UBE2U: variants seen among roughly 807,000 people sequenced by gnomAD.
UBE2U encodes ubiquitin conjugating enzyme E2 U.
In UBE2U, 39 loss-of-function variants were observed where a neutral mutation model predicts 41.2. That is an observed-to-expected ratio of 0.95 (90% CI 0.73 to 1.24). The LOEUF (loss-of-function observed/expected upper bound fraction) is 1.24, where lower values mean the gene tolerates loss of function less well. Among genes scored for constraint, UBE2U ranks in the 50% most tolerant of loss-of-function variants. The pLI is 0.00. For missense variants in UBE2U, 336 were observed against 363.1 expected, an observed-to-expected ratio of 0.93 and a Z score of 0.61; for synonymous variants, 107 against 117.8, an observed-to-expected ratio of 0.91 and a Z score of 0.60.
intron 7 of UBE2U, among the ~76,000 whole-genome samples, chr1:64,236,116 T>C (rs1246140555): frequency 1.3e-5 from 2 of 152,200 alleles, no homozygotes; most frequent in African/African-American, 4.8e-5. Flanking sequence ...AACCTCTCTG[T>C]GTCCCAGTTT....
At position 64,267,049 on chromosome 1, in the gene UBE2U, TGCAATAAATA is replaced by T; in HGVS notation, c.799_808del (p.Ile267SerfsTer34). 6.5e-7 allele frequency: 1 copy of T among 1,549,044 alleles called. No individual in the cohort carries two copies. Among genetic ancestry groups the T allele is most frequent in the Non-Finnish European group, 8.7e-7 (1 of 1,146,700 alleles). ...ATGAAATTTTTCTTGAGTCACCAACTGCAATAAATAGCATCACAGACATTTATGAAACAGA... is the reference window on the plus strand; with the variant it reads ...ATGAAATTTTTCTTGAGTCACCAACTGCATCACAGACATTTATGAAACAGA... On this transcript the variant is annotated frameshift_variant, in exon 10 of 10. Coordinates refer to ENST00000371077, the MANE Select transcript of UBE2U (RefSeq NM_001366232.2). LOFTEE classifies it low-confidence loss of function (END_TRUNC).
intron 2 of UBE2U, among the ~76,000 whole-genome samples, chr1:64,206,424 G>A (rs2100237844): frequency 6.6e-6 from 1 of 151,900 alleles, no homozygotes; most frequent in South Asian, 2.1e-4. Context: ...TTCGGGCAGA[G>A]TAAACAGCAC....
intron 3 of UBE2U, among the ~76,000 whole-genome samples, chr1:64,207,811 C>T (rs1373114175): frequency 6.6e-6 from 1 of 152,132 alleles, no homozygotes; most frequent in Non-Finnish European, 1.5e-5. Context: ...CATTAAACTG[C>T]AAAACCTGTT....
chr1:64,256,562 C>T (rs1285460856), intron 8 of UBE2U, among the ~76,000 whole-genome samples: 2 of 152,082 alleles, frequency 1.3e-5, no homozygotes, highest in African/African-American at 4.8e-5. Flanking sequence ...AACTAGCTAG[C>T]CATATGCAGA....
chr1:64,259,917 C>T (rs1486949387), intron 8 of UBE2U, among the ~76,000 whole-genome samples: 1 of 151,826 alleles, frequency 6.6e-6, no homozygotes, highest in East Asian at 1.9e-4. Flanking sequence ...CAGCATATGA[C>T]CTTATTTCAA....
chr1:64,244,019 A>T (rs919293481), intron 8 of UBE2U: 4 of 714,508 alleles, frequency 5.6e-6, no homozygotes, highest in African/African-American at 1.8e-5. Flanking sequence ...GATTAAATAA[A>T]TTAATATATG....
intron 9 of UBE2U, among the ~76,000 whole-genome samples, chr1:64,264,282 C>T (rs778664176): frequency 3.9e-5 from 6 of 152,120 alleles, no homozygotes; most frequent in Non-Finnish European, 7.4e-5. Context: ...CCAAGAAAGG[C>T]ATGGAAAATA....
intron 6 of UBE2U, among the ~76,000 whole-genome samples, chr1:64,223,389 T>C (rs1447368241): frequency 6.6e-6 from 1 of 152,076 alleles, no homozygotes. Context: ...CACCAGAGAA[T>C]GTAGTTGGAA....
At chr1:64,222,855 G>C (rs560383736) in intron 6 of UBE2U, among the ~76,000 whole-genome samples, 119 of 152,198 alleles carry the variant, frequency 7.8e-4, no homozygotes, top group Admixed American at 1.2e-3. Context: ...GTATTCCAAA[G>C]ATATATCCAG....
chr1:64,231,005 C>G (rs1230911500), intron 6 of UBE2U, among the ~76,000 whole-genome samples: 3 of 152,038 alleles, frequency 2.0e-5, no homozygotes, highest in Admixed American at 6.5e-5. Context: ...TTACAGTTCT[C>G]TTTTTTTAAG....
chr1:64,204,077 GCA>G lies in UBE2U; in HGVS notation c.30_31del (p.His10GlnfsTer5), dbSNP rs753144378. MHGRAYLLL[H>X]RDFCDLKENN... ...TGCACGGCAGAGCTTACCTCTTGCTGCACAGAGACTTCTGTGATCTCAAGGAG... is the reference window on the plus strand; with the variant it reads ...TGCACGGCAGAGCTTACCTCTTGCTGCAGAGACTTCTGTGATCTCAAGGAG... On this transcript the variant is annotated frameshift_variant, in exon 1 of 10. Coordinates refer to ENST00000371077, the MANE Select transcript of UBE2U (RefSeq NM_001366232.2). LOFTEE classifies it high-confidence loss of function. 1.3e-5 allele frequency: 21 copies of G among 1,613,680 alleles called. No individual in the cohort carries two copies.
At chr1:64,208,790 G>A (rs897776223) in intron 3 of UBE2U, among the ~76,000 whole-genome samples, 23 of 152,204 alleles carry the variant, frequency 1.5e-4, no homozygotes, top group African/African-American at 5.3e-4. Flanking sequence ...GAACCTTTTA[G>A]GTCTAGATCA....
intron 4 of UBE2U, among the ~76,000 whole-genome samples, chr1:64,211,553 C>T (rs1020246089): frequency 1.8e-4 from 27 of 152,180 alleles, no homozygotes; most frequent in African/African-American, 6.3e-4. Context: ...GATCCTCCCA[C>T]CTCAGCCCCT....
At chr1:64,247,403 ATCTT>A (rs1557739774) in intron 8 of UBE2U, among the ~76,000 whole-genome samples, 2 of 152,226 alleles carry the variant, frequency 1.3e-5, no homozygotes, top group East Asian at 3.9e-4. Context: ...TGTTCCCCAA[ATCTT>A]ATGTTGATAT....
At chr1:64,244,342 G>A (rs1375624370) in intron 8 of UBE2U, 3 of 837,342 alleles carry the variant, frequency 3.6e-6, no homozygotes, top group Non-Finnish European at 4.4e-6. Flanking sequence ...ATATAAAAAT[G>A]TGTATATTAT....
intron 8 of UBE2U, among the ~76,000 whole-genome samples, chr1:64,257,923 A>T (rs1363913535): frequency 6.6e-6 from 1 of 152,158 alleles, no homozygotes; most frequent in Admixed American, 6.6e-5. Context: ...TTGAAAAAAA[A>T]AACTCTCAGT....
intron 7 of UBE2U, among the ~76,000 whole-genome samples, chr1:64,239,397 T>G (rs887270415): frequency 5.3e-5 from 8 of 152,036 alleles, no homozygotes; most frequent in African/African-American, 1.7e-4. Context: ...TACTTTAAGT[T>G]CTAGGGTAGA....
intron 6 of UBE2U, among the ~76,000 whole-genome samples, chr1:64,224,040 C>T (rs1206195809): frequency 2.6e-5 from 4 of 151,902 alleles, no homozygotes; most frequent in Non-Finnish European, 4.4e-5. Context: ...ATTGGTTGCT[C>T]GGTAATCATG....
chr1:64,249,286 G>A (rs1011380713), intron 8 of UBE2U, among the ~76,000 whole-genome samples: 1 of 148,320 alleles, frequency 6.7e-6, no homozygotes, highest in East Asian at 2.0e-4. Flanking sequence ...GCTGAAGCAG[G>A]AGAATCGCTT....
Sources: gnomAD v4.1 joint callset for allele counts (sites outside exome capture counted in the v4.1 genomes callset) on GRCh38, gnomAD v4.1.1 for gene constraint, MANE v1.5 for transcripts, NCBI Gene and HGNC (gene_info 2026-07-23, HGNC 2026-07-21) for gene names.